The following RGS22 variants were observed in gnomAD, a reference collection of about 807,000 sequenced individuals.
RGS22 encodes the protein regulator of G-protein signaling 22.
RGS22 carries 148 observed loss-of-function variants against 172.9 expected under a neutral mutation model. The ratio of observed to expected loss-of-function variants is 0.86; its 90% CI spans 0.75 to 0.98. RGS22 has a LOEUF of 0.98. Ranked by LOEUF, RGS22 falls within the 50% of genes least tolerant of loss-of-function variation. RGS22 has a pLI of 0.00. For synonymous variants in RGS22, 458 were observed against 480.2 expected (o/e 0.95, Z 0.60); for missense variants, 1,347 against 1,440.8 (o/e 0.93, Z 1.05).
chr8:100,053,863 A>T (rs1055182362), intron 9 of RGS22, among the ~76,000 whole-genome samples: 3 of 152,080 alleles, frequency 2.0e-5, no homozygotes, highest in African/African-American at 7.2e-5. Context: ...CTTGATCTCC[A>T]GACCTTGTGA....
chr8:100,048,519 G>A (rs1399848108), intron 10 of RGS22, among the ~76,000 whole-genome samples: 1 of 151,920 alleles, frequency 6.6e-6, no homozygotes, highest in African/African-American at 2.4e-5. Context: ...TTGCAAGAAA[G>A]CAAGGAATAT....
intron 22 of RGS22, among the ~76,000 whole-genome samples, chr8:99,979,968 T>C (rs938122767): frequency 4.6e-5 from 7 of 152,152 alleles, no homozygotes; most frequent in Non-Finnish European, 5.9e-5. Flanking sequence ...TAAGGGCCAC[T>C]TATGAAACTA....
At chr8:100,069,787 C>T (rs975987557) in intron 6 of RGS22, among the ~76,000 whole-genome samples, 1 of 152,066 alleles carries the variant, frequency 6.6e-6, no homozygotes, top group African/African-American at 2.4e-5. Flanking sequence ...TTTCTAACTA[C>T]ATTTCAAATT....
chr8:100,059,562 T>C (rs186244603), intron 9 of RGS22, among the ~76,000 whole-genome samples: 1 of 151,708 alleles, frequency 6.6e-6, no homozygotes, highest in African/African-American at 2.4e-5. Flanking sequence ...TATATAATGA[T>C]AAAGGGGTCA....
At chr8:100,089,929 T>C (rs1812446917) in intron 3 of RGS22, among the ~76,000 whole-genome samples, 1 of 152,242 alleles carries the variant, frequency 6.6e-6, no homozygotes, top group Admixed American at 6.5e-5. Flanking sequence ...ACTAGATGCA[T>C]GACCTAATAC....
intron 2 of RGS22, among the ~76,000 whole-genome samples, chr8:100,101,094 C>T (rs1045793223): frequency 2.0e-5 from 3 of 152,046 alleles, no homozygotes; most frequent in Non-Finnish European, 4.4e-5. Context: ...TGCATAGTTG[C>T]AAACTAACTA....
chr8:100,039,461 T>G (rs1819874217), intron 13 of RGS22, among the ~76,000 whole-genome samples: 1 of 150,148 alleles, frequency 6.7e-6, no homozygotes, highest in South Asian at 2.1e-4. Flanking sequence ...CACCGCAACC[T>G]CTGCCTCCAG....
intron 23 of RGS22, among the ~76,000 whole-genome samples, chr8:99,973,399 C>A (rs1351849177): frequency 6.6e-6 from 1 of 152,094 alleles, no homozygotes; most frequent in Non-Finnish European, 1.5e-5. Flanking sequence ...CCATTCTCAG[C>A]AAACTAACAC....
chr8:100,097,017 A>G (rs1021713183), intron 2 of RGS22, among the ~76,000 whole-genome samples: 1 of 152,246 alleles, frequency 6.6e-6, no homozygotes, highest in Non-Finnish European at 1.5e-5. Context: ...GAAAAATGGC[A>G]TTTGAAATGC....
chr8:100,014,085 C>T (rs140440850), intron 14 of RGS22, among the ~76,000 whole-genome samples: 1 of 152,326 alleles, frequency 6.6e-6, no homozygotes, highest in East Asian at 1.9e-4. Context: ...TTATCTTCCA[C>T]ATAACTGGGA....
At chr8:99,977,838 A>C in intron 23 of RGS22, 79 bp downstream of exon 23, 1 of 1,237,720 alleles carries the variant, frequency 8.1e-7, no homozygotes, top group South Asian at 1.5e-5. Flanking sequence ...ATATATCCCC[A>C]GACAAAATTA....
At chr8:100,054,638 A>G (rs1447639139) in intron 9 of RGS22, among the ~76,000 whole-genome samples, 1 of 152,192 alleles carries the variant, frequency 6.6e-6, no homozygotes. Flanking sequence ...AAAAAGATGG[A>G]TATCTCTCCT....
intron 17 of RGS22, among the ~76,000 whole-genome samples, chr8:100,002,567 G>T (rs1461623105): frequency 6.6e-6 from 1 of 151,860 alleles, no homozygotes; most frequent in African/African-American, 2.4e-5. Flanking sequence ...CCTAATCCTG[G>T]CTAAATATAT....
At chr8:99,970,669 A>C (rs1199508770) in intron 23 of RGS22, among the ~76,000 whole-genome samples, 4 of 152,224 alleles carry the variant, frequency 2.6e-5, no homozygotes, top group African/African-American at 9.6e-5. Context: ...CCCTCCCAAG[A>C]CTAAACCAGG....
At chr8:100,023,587 C>T (rs1161855349) in intron 14 of RGS22, among the ~76,000 whole-genome samples, 1 of 152,038 alleles carries the variant, frequency 6.6e-6, no homozygotes, top group African/African-American at 2.4e-5. Flanking sequence ...GCACGGGCCA[C>T]CACACCTGGC....
intron 15 of RGS22, among the ~76,000 whole-genome samples, chr8:100,006,576 T>C (rs2131358301): frequency 6.6e-6 from 1 of 152,332 alleles, no homozygotes; most frequent in Middle Eastern, 3.4e-3. Context: ...ATAGCAGGTC[T>C]CTGTCTTCAG....
chr8:100,095,219 C>A (rs765560471), intron 2 of RGS22, among the ~76,000 whole-genome samples: 1 of 152,094 alleles, frequency 6.6e-6, no homozygotes, highest in Non-Finnish European at 1.5e-5. Context: ...GGTCTTGCCC[C>A]GTCACCCAGG....
At chr8:100,098,862 A>ATTTATTTTATTTTAT (rs1205135976) in intron 2 of RGS22, among the ~76,000 whole-genome samples, 69 of 54,814 alleles carry the variant, frequency 1.3e-3, no homozygotes, top group South Asian at 0.011. Flanking sequence ...TTATTATTTT[A>ATTTATTTTATTTTAT]TTTATTTTAT....
At chr8:100,072,299 T>C (rs1181723807) in intron 4 of RGS22, 69 bp from the exon 5 acceptor site, 3 of 901,712 alleles carry the variant, frequency 3.3e-6, no homozygotes, top group African/African-American at 1.7e-5. Flanking sequence ...TAACACCTAA[T>C]AGTGAGAGCA....
Sources: allele counts gnomAD v4.1 joint callset (sites outside exome capture counted in the v4.1 genomes callset), GRCh38; gene constraint gnomAD v4.1.1; transcripts MANE v1.5; gene names NCBI Gene and HGNC (gene_info 2026-07-23, HGNC 2026-07-21).